The following DDX54 variants were observed in gnomAD, a reference collection of about 807,000 sequenced individuals.
DDX54 encodes ATP-dependent RNA helicase DDX54.
In DDX54, 67 loss-of-function variants were observed where a neutral mutation model predicts 105.5. That is an observed-to-expected ratio of 0.64 (90% confidence interval 0.52 to 0.78). DDX54 has a LOEUF of 0.78. Ranked by LOEUF, DDX54 falls within the 30% of genes least tolerant of loss-of-function variation. The pLI is 0.00. For missense variants in DDX54, 1,206 were observed against 1,230.5 expected (o/e 0.98, Z 0.30); for synonymous variants, 514 against 509.9 (o/e 1.01, Z -0.11).
At chr12:113,178,063 T>C (rs955807808) in intron 5 of DDX54, among the ~76,000 whole-genome samples, 26 of 152,030 alleles carry the variant, frequency 1.7e-4, no homozygotes, top group African/African-American at 6.3e-4. Context: ...TGGCGAGACC[T>C]CATCTCTACA....
intron 12 of DDX54, among the ~76,000 whole-genome samples, chr12:113,169,382 GGA>G (rs1178102196): frequency 6.6e-6 from 1 of 152,048 alleles, no homozygotes; most frequent in Non-Finnish European, 1.5e-5. Context: ...CAGCACTTTG[GGA>G]GGTGGGCGAA....
rs746253932 is a variant in DDX54 at position 113,175,017 on chromosome 12, C to T, written c.874+19G>A. 6.2e-6 allele frequency: 10 copies of T among 1,613,216 alleles called. No individual in the cohort carries two copies. The East Asian group carries it at 1.3e-4, about 22-fold the overall frequency. On this transcript the variant is annotated intron_variant, in intron 8 of 19. Transcript: ENST00000306014. ...CCAGCCTGACCCCCAGCCCCCATCT[C>T]CACCCCCAGCTCACGCACCAGCCCG...
Position 113,162,967 on chromosome 12 carries a change from G to A in DDX54, c.2160C>T (p.Ala720=), listed in dbSNP as rs1230027949. The change falls in exon 17 of 20, where the codon GCC becomes GCT. Residue 720 remains alanine (A), a synonymous_variant. Coordinates refer to ENST00000306014, the MANE Select transcript of DDX54 (RefSeq NM_024072.4). ...GCTGCCGGCCCCTCGTCAGGTTCTG[G>A]GCTTCATCCCCCATCAAGTCCAGGA... ...GAVLDLMGDE[A]QNLTRGRQQL... The A allele has an allele frequency of 6.2e-7, 1 of 1,607,892 alleles. No individual in the cohort carries two copies. Among genetic ancestry groups the A allele is most frequent in the Admixed American group, 1.7e-5 (1 of 59,876 alleles).
intron 10 of DDX54, among the ~76,000 whole-genome samples, chr12:113,174,243 CA>C (rs1952371009): frequency 6.6e-6 from 1 of 151,534 alleles, no homozygotes. Flanking sequence ...TATGGGAGGC[CA>C]AGGTGGGAGG....
intron 1 of DDX54, among the ~76,000 whole-genome samples, chr12:113,183,284 A>C (rs927946953): frequency 6.6e-6 from 1 of 152,262 alleles, no homozygotes; most frequent in Non-Finnish European, 1.5e-5. Context: ...ATTTGAACAC[A>C]GGGCAGTGCC....
intron 5 of DDX54, among the ~76,000 whole-genome samples, 183 bp downstream of exon 5, chr12:113,178,794 C>T (rs1283683040): frequency 6.6e-6 from 1 of 152,294 alleles, no homozygotes; most frequent in East Asian, 1.9e-4. Context: ...CTGCCCACCT[C>T]GGCCTCCCAG....
intron 1 of DDX54, among the ~76,000 whole-genome samples, chr12:113,181,867 T>C (rs1450472484): frequency 1.3e-5 from 2 of 151,876 alleles, no homozygotes; most frequent in Admixed American, 6.6e-5. Flanking sequence ...AAAAATAGCA[T>C]TCATGGCCAG....
At position 113,180,981 on chromosome 12, in the gene DDX54, C is replaced by T. The variant is rs755277448; in HGVS notation, c.252G>A (p.Met84Ile). 3 of 1,613,618 alleles carry T rather than the reference C, an allele frequency of 1.9e-6. No individual in the cohort carries two copies. Among genetic ancestry groups the T allele is most frequent in the Non-Finnish European group, 2.5e-6 (3 of 1,179,828 alleles). Residue 84 changes from methionine to isoleucine, a missense_variant, in exon 2 of 20, where the codon ATG (methionine) becomes ATA (isoleucine). Coordinates refer to ENST00000306014, the MANE Select transcript of DDX54 (RefSeq NM_024072.4). ...TSDVEPDTRE[M>I]VRAQNKKKKK... is the part of the protein sequence containing the mutation. The stretch of plus-strand genomic sequence containing the variant: ...TCTTCTTCTTGTTCTGGGCACGCAC[C>T]ATCTCCCGGGTGTCCGGCTCCACAT...
chr12:113,169,518 G>A (rs1235344440), intron 12 of DDX54, among the ~76,000 whole-genome samples: 2 of 151,876 alleles, frequency 1.3e-5, no homozygotes, highest in Non-Finnish European at 2.9e-5. Context: ...CTACTCGGGA[G>A]GCTGAGGCAA....
chr12:113,158,774 C>T lies in DDX54; in HGVS notation c.*103G>A, dbSNP rs1260139923. 2 of 1,276,610 alleles carry T rather than the reference C, an allele frequency of 1.6e-6. No homozygotes were observed. The highest frequency in any genetic ancestry group is 2.1e-6 in the Non-Finnish European group (2 of 936,602). 79.1% of individuals were successfully genotyped at this position (1,276,610 alleles called of 1,614,324 possible). Reference sequence around the variant, plus strand: ...AGATGATGGCTCCTGCAGGGAGTGCCCCCAGTGCCCAGCACAGGGCCAGGC... The same window carrying T: ...AGATGATGGCTCCTGCAGGGAGTGCTCCCAGTGCCCAGCACAGGGCCAGGC... On this transcript the variant is annotated 3_prime_UTR_variant, in exon 20 of 20. Coordinates refer to ENST00000306014, the MANE Select transcript of DDX54 (RefSeq NM_024072.4). This position sits in a 1 kb window ranked among gnomAD's most constrained non-coding sequence, Gnocchi z 4.9.
Position 113,162,922 on chromosome 12 carries a change from G to A in DDX54, c.2195+10C>T, listed in dbSNP as rs375446222. The A allele has an allele frequency of 4.1e-5, 64 of 1,579,328 alleles. No homozygotes were observed. Among genetic ancestry groups the A allele is most frequent in the African/African-American group, 8.1e-5 (6 of 74,186 alleles). Reference sequence around the variant, plus strand: ...CCGAGCATGGAGGGGCGGCTCACTCGATCACTCACCACTTGAGCTGCTGCC... The same window carrying A: ...CCGAGCATGGAGGGGCGGCTCACTCAATCACTCACCACTTGAGCTGCTGCC... On this transcript the variant is annotated intron_variant, in intron 17 of 19. Transcript: ENST00000306014.
chr12:113,161,523 C>A (rs1345598991), intron 18 of DDX54, 141 bp from the exon 19 acceptor site: 1 of 630,194 alleles, frequency 1.6e-6, no homozygotes. Flanking sequence ...ACAGGTCCCA[C>A]TTATTGGAGA....
chr12:113,178,193 C>T (rs941946497), intron 5 of DDX54, among the ~76,000 whole-genome samples: 2 of 152,166 alleles, frequency 1.3e-5, no homozygotes, highest in South Asian at 2.1e-4. Context: ...GCTGTGATTG[C>T]GCCACTGTAC....
rs755888213 is a variant in DDX54, at chr12:113,164,234, G to C, written c.1771C>G (p.Arg591Gly). 1 of 1,593,870 alleles carries C rather than the reference G, an allele frequency of 6.3e-7. No homozygotes were observed. The highest frequency in any genetic ancestry group is 1.7e-5 in the Admixed American group (1 of 57,524). The change falls in exon 15 of 20, where the codon CGC becomes GGC. Residue 591 changes from arginine (R) to glycine (G), a missense_variant. Around this residue, in one of 3 missense-constraint regions of DDX54, gnomAD observed 961 missense variants for 1,019.1 expected, o/e 0.94. Coordinates refer to ENST00000306014, the MANE Select transcript of DDX54 (RefSeq NM_024072.4). ...SSRDLCSQVM[R>G]AKRQKDRKAI... ...TTGCGGTCCTTCTGCCGCTTGGCGC[G>C]CATCACCTGGCTGCACAGGTCTCGG...
intron 12 of DDX54, chr12:113,167,865 T>C: frequency 4.6e-6 from 2 of 434,566 alleles, no homozygotes; most frequent in South Asian, 3.2e-5. Flanking sequence ...GCGTGCTGCC[T>C]CTGGCCCTGG....
In DDX54 at chr12:113,158,986, C is replaced by A. The variant is rs1050695140; in HGVS notation, c.2537G>T (p.Gly846Val). ...GTTGCGGGCAGAGAGCTGCTTGAGG[C>A]CACCACGCTGCAGGAAGTGCAGCTT... ...AQKLHFLQRGGLKQLSARNRR... is the reference protein window; with the variant it reads ...AQKLHFLQRGVLKQLSARNRR... Residue 846 changes from glycine (G) to valine (V), a missense_variant, in exon 20 of 20, where the codon GGC becomes GTC. Physicochemically the swap from Gly to Val is moderately radical, Grantham distance 109. Coordinates refer to ENST00000306014, the MANE Select transcript of DDX54 (RefSeq NM_024072.4). The surrounding 1 kb of genome is among the most constrained non-coding windows in gnomAD (Gnocchi z 4.9). 7 of 1,611,386 alleles carry A rather than the reference C, an allele frequency of 4.3e-6. No individual in the cohort carries two copies. In the African/African-American group the frequency reaches 9.3e-5, roughly 21 times the overall value.
At chr12:113,161,437 C>T (rs1952204624) in intron 18 of DDX54, 55 bp from the exon 19 acceptor site, 2 of 1,371,388 alleles carry the variant, frequency 1.5e-6, no homozygotes, top group Admixed American at 3.6e-5. Context: ...GAGAAGGCTC[C>T]TCCCCACACT....
At chr12:113,180,136 A>C (rs1056989169) in intron 2 of DDX54, 131 bp from the exon 3 acceptor site, 1 of 871,494 alleles carries the variant, frequency 1.1e-6, no homozygotes, top group African/African-American at 1.7e-5. Context: ...ATAAAGCACA[A>C]ACTGAAAGGT....
In DDX54 at chr12:113,157,772, C is replaced by G. The variant is rs1443953664; in HGVS notation, c.*1105G>C. On this transcript the variant is annotated 3_prime_UTR_variant, in exon 20 of 20. Transcript: ENST00000306014. The stretch of plus-strand genomic sequence containing the variant: ...CCAATGGGGTGTGGACTGAGTGGCT[C>G]TTCCTGAATCCGTTTCCTCATTGGG... 3 of 1,023,544 alleles carry G rather than the reference C, an allele frequency of 2.9e-6. No homozygotes were observed. Among genetic ancestry groups the G allele is most frequent in the Non-Finnish European group, 4.4e-6 (3 of 679,250 alleles). 63.4% of individuals were successfully genotyped at this position (1,023,544 alleles called of 1,614,324 possible).
Sources: gnomAD v4.1 joint callset for allele counts (sites outside exome capture counted in the v4.1 genomes callset) on GRCh38, gnomAD v4.1.1 for gene constraint, gnomAD v4.1.1 regional missense constraint, Gnocchi (gnomAD v3.1) non-coding constraint, MANE v1.5 for transcripts, NCBI Gene and HGNC (gene_info 2026-07-23, HGNC 2026-07-21) for gene names.